Variants in FRMPD4 observed in about 807,000 individuals in gnomAD.
FRMPD4 encodes the protein FERM and PDZ domain-containing protein 4.
FRMPD4 carries 22 observed loss-of-function variants against 94.1 expected under a neutral mutation model. The ratio of observed to expected loss-of-function variants is 0.23; its 90% CI spans 0.17 to 0.33. The LOEUF is 0.33. Among genes scored for constraint, FRMPD4 ranks in the 10% least tolerant of loss-of-function variants. The pLI, the probability that FRMPD4 is intolerant of heterozygous loss-of-function variation, is 1.00. For missense variants in FRMPD4, 1,111 were observed against 1,339.9 expected, an observed-to-expected ratio of 0.83 and a Z score of 2.67; for synonymous variants, 631 against 548.6, an observed-to-expected ratio of 1.15 and a Z score of -2.10.
rs752926097 is a variant in FRMPD4, at chrX:12,407,340, T to G, written c.42-91340T>G. 7.1e-5 allele frequency among the ~76,000 whole-genome samples: 8 copies of G among 112,036 alleles called. No homozygotes were observed. The South Asian group carries it at 3.0e-3, about 42-fold the overall frequency. On this transcript the variant is annotated intron_variant, in intron 1 of 16. Transcript: ENST00000675598. ...CTGGAACTGGTCACATACTTTATTC[T>G]ATTACTAGCCGTGGAACATGCCACA...
At chrX:11,947,829 G>A (rs2054197398) in intron 3 of FRMPD4, among the ~76,000 whole-genome samples, 1 of 111,242 alleles carries the variant, frequency 9.0e-6, no homozygotes, top group Non-Finnish European at 1.9e-5. Context: ...GCTCACGCCT[G>A]TAATCCCAGC....
At chrX:12,602,271 G>A (rs144788759) in intron 2 of FRMPD4, among the ~76,000 whole-genome samples, 105 of 111,262 alleles carry the variant, frequency 9.4e-4, no homozygotes, top group Non-Finnish European at 1.7e-3. Context: ...GGTTTACATA[G>A]ATGAGCACTT....
At position 12,716,437 on chromosome X, in the gene FRMPD4, T is replaced by C; in HGVS notation, c.1978T>C (p.Leu660=). 1 of 1,209,685 alleles carries C rather than the reference T, an allele frequency of 8.3e-7. No homozygotes were observed. The highest frequency in any genetic ancestry group is 1.1e-6 in the Non-Finnish European group (1 of 894,098). Residue 660 remains leucine, a synonymous_variant, in exon 15 of 17, where the codon TTG becomes CTG. Transcript: ENST00000675598. ...KVSFIFGDFA[L]DDGISPPTLG... Reference sequence around the variant, plus strand: ...GTCCTTTATTTTTGGAGACTTCGCCTTGGATGATGGTATTAGTCCCCCAAC... The same window carrying C: ...GTCCTTTATTTTTGGAGACTTCGCCCTGGATGATGGTATTAGTCCCCCAAC...
At chrX:12,324,461 T>C (rs937983129) in intron 1 of FRMPD4, among the ~76,000 whole-genome samples, 2 of 112,338 alleles carry the variant, frequency 1.8e-5, no homozygotes, top group African/African-American at 6.5e-5. Context: ...TTTCTTGAGC[T>C]TGACAAATTG....
rs765091539 is a variant in FRMPD4, at chrX:12,723,984, G to A, written c.*2126G>A. Reference sequence around the variant, plus strand: ...AGTTCTTACCACAATACCTGGCAGAGAGTAAGTATTCAATTAATGTTAGCT... The same window carrying A: ...AGTTCTTACCACAATACCTGGCAGAAAGTAAGTATTCAATTAATGTTAGCT... On this transcript the variant is annotated 3_prime_UTR_variant, in exon 17 of 17. Transcript: ENST00000675598. 1 of 112,154 alleles carries A rather than the reference G, an allele frequency of 8.9e-6. No homozygotes were observed. Among genetic ancestry groups the A allele is most frequent in the East Asian group, 2.8e-4 (1 of 3,605 alleles). 9.2% of individuals were successfully genotyped at this position (112,154 alleles called of 1,213,427 possible). A position where few individuals can be genotyped will look rare whatever the true frequency, so the allele number is the denominator to read the frequency against.
chrX:11,856,115 G>A (rs906448871), intron 1 of FRMPD4, among the ~76,000 whole-genome samples: 4 of 111,441 alleles, frequency 3.6e-5, no homozygotes, highest in Admixed American at 9.5e-5. Flanking sequence ...AGGGGAAGCC[G>A]CTTATAAAAC....
At chrX:12,687,352 T>A (rs2060035928) in intron 7 of FRMPD4, among the ~76,000 whole-genome samples, 3 of 112,250 alleles carry the variant, frequency 2.7e-5, no homozygotes, top group Non-Finnish European at 5.6e-5. Flanking sequence ...TCTTCCCTTT[T>A]TCCTCATTCA....
At chrX:12,045,552 T>C (rs746025395) in intron 3 of FRMPD4, among the ~76,000 whole-genome samples, 5 of 111,324 alleles carry the variant, frequency 4.5e-5, no homozygotes, top group African/African-American at 1.6e-4. Context: ...AGAGCTGGTC[T>C]GTGATTTTAA....
intron 3 of FRMPD4, among the ~76,000 whole-genome samples, chrX:11,982,265 A>G (rs912585167): frequency 2.0e-4 from 22 of 110,755 alleles, no homozygotes; most frequent in Admixed American, 1.8e-3. Context: ...GCAGTTGAGA[A>G]AACAGTCATC....
intron 1 of FRMPD4, among the ~76,000 whole-genome samples, chrX:12,426,886 G>T (rs200481827): frequency 1.9e-5 from 2 of 103,531 alleles, no homozygotes; most frequent in Admixed American, 2.1e-4. Flanking sequence ...GTTTTTTTTT[G>T]TTTTTTTTTA....
At chrX:12,034,840 A>G (rs2054711882) in intron 3 of FRMPD4, among the ~76,000 whole-genome samples, 2 of 112,398 alleles carry the variant, frequency 1.8e-5, no homozygotes, top group Non-Finnish European at 3.8e-5. Flanking sequence ...GTGTGCGTGT[A>G]TACACACAAC....
intron 1 of FRMPD4, among the ~76,000 whole-genome samples, chrX:12,467,742 A>G (rs2057464252): frequency 8.9e-6 from 1 of 112,380 alleles, no homozygotes; most frequent in Non-Finnish European, 1.9e-5. Flanking sequence ...ACATTAAGTT[A>G]ATCTGTTCCA....
In FRMPD4 at chrX:12,316,417, T is replaced by G. The variant is rs933661270; in HGVS notation, c.41+177405T>G. Among the ~76,000 whole-genome samples, 5 of 111,497 alleles carry G rather than the reference T, an allele frequency of 4.5e-5. No individual in the cohort carries two copies. The East Asian group carries it at 1.4e-3, about 31-fold the overall frequency. On this transcript the variant is annotated intron_variant, in intron 1 of 16. Transcript: ENST00000675598. Reference sequence around the variant, plus strand: ...ATCCACCCGCCTCGGCCTCCCAAAGTGCCGGGATTACAGGCGTGAGCTGCC... The same window carrying G: ...ATCCACCCGCCTCGGCCTCCCAAAGGGCCGGGATTACAGGCGTGAGCTGCC...
chrX:12,217,317 T>C (rs898763509), intron 1 of FRMPD4, among the ~76,000 whole-genome samples: 1 of 111,570 alleles, frequency 9.0e-6, no homozygotes, highest in African/African-American at 3.3e-5. Flanking sequence ...AGAAGGGAAG[T>C]AGATCATAAA....
intron 4 of FRMPD4, among the ~76,000 whole-genome samples, chrX:12,648,676 C>T (rs781285198): frequency 3.6e-5 from 4 of 112,115 alleles, no homozygotes; most frequent in Non-Finnish European, 5.6e-5. Flanking sequence ...TGCTTCAGAA[C>T]CCAAAGATGA....
intron 1 of FRMPD4, among the ~76,000 whole-genome samples, chrX:11,825,863 A>G (rs746359360): frequency 2.0e-4 from 22 of 112,592 alleles, no homozygotes; most frequent in African/African-American, 7.1e-4. Context: ...ACTATTTCAA[A>G]TAAAAGCTAA....
chrX:11,869,964 C>A (rs987387380), intron 2 of FRMPD4, among the ~76,000 whole-genome samples: 3 of 111,393 alleles, frequency 2.7e-5, no homozygotes, highest in Non-Finnish European at 3.8e-5. Context: ...TGACTGCACC[C>A]CATATCATGG....
At chrX:12,306,789 G>A (rs1410178082) in intron 1 of FRMPD4, among the ~76,000 whole-genome samples, 8 of 112,414 alleles carry the variant, frequency 7.1e-5, no homozygotes, top group African/African-American at 2.6e-4. Flanking sequence ...ACTGGGATTA[G>A]CACTACTGTG....
intron 2 of FRMPD4, among the ~76,000 whole-genome samples, chrX:12,524,660 C>T (rs773337686): frequency 2.7e-5 from 3 of 111,382 alleles, no homozygotes; most frequent in Non-Finnish European, 3.8e-5. Context: ...TGCTACCTGT[C>T]GCTCTGAAAT....
Sources: allele counts gnomAD v4.1 joint callset (sites outside exome capture counted in the v4.1 genomes callset), GRCh38; gene constraint gnomAD v4.1.1; transcripts MANE v1.5; gene names NCBI Gene and HGNC (gene_info 2026-07-23, HGNC 2026-07-21).